The following GRIP1 variants were observed in gnomAD, a reference collection of about 807,000 sequenced individuals.
GRIP1 encodes glutamate receptor interacting protein 1.
Under a neutral mutation model 129.9 loss-of-function variants are expected in GRIP1, and 45 were observed. That is an observed-to-expected ratio of 0.35 (90% CI 0.27 to 0.44). The LOEUF (loss-of-function observed/expected upper bound fraction) is 0.44, where lower values mean the gene tolerates loss of function less well. Ranked by LOEUF, GRIP1 falls within the 20% of genes least tolerant of loss-of-function variation. The pLI is 1.00. For missense variants in GRIP1, 1,196 were observed against 1,396.8 expected, an observed-to-expected ratio of 0.86 and a Z score of 2.29; for synonymous variants, 530 against 520.8, an observed-to-expected ratio of 1.02 and a Z score of -0.24.
chr12:66,541,199 C>T (rs961215128), intron 3 of GRIP1, among the ~76,000 whole-genome samples: 1 of 152,166 alleles, frequency 6.6e-6, no homozygotes, highest in Non-Finnish European at 1.5e-5. Context: ...CACCCCTGCC[C>T]AGTATCCAGG....
At chr12:66,811,225 T>C (rs2039096372) in intron 1 of GRIP1, among the ~76,000 whole-genome samples, 1 of 152,206 alleles carries the variant, frequency 6.6e-6, no homozygotes, top group African/African-American at 2.4e-5. Flanking sequence ...AATATGTTCA[T>C]TCAATAAGTG....
intron 4 of GRIP1, among the ~76,000 whole-genome samples, chr12:66,531,252 AATATATATATATATATATATAT>A (rs71069009): frequency 2.3e-3 from 44 of 19,468 alleles, no homozygotes; most frequent in African/African-American, 6.0e-3. Context: ...AAAAAAAAAA[AATATATATATATATATATATAT>A]ATATATATAT....
At chr12:66,443,256 A>C (rs2058519189) in intron 13 of GRIP1, among the ~76,000 whole-genome samples, 1 of 152,166 alleles carries the variant, frequency 6.6e-6, no homozygotes, top group African/African-American at 2.4e-5. Context: ...AATCCTGCTG[A>C]GTCAGTTTAG....
intron 1 of GRIP1, among the ~76,000 whole-genome samples, chr12:66,699,700 A>G (rs1305989985): frequency 6.6e-6 from 1 of 152,226 alleles, no homozygotes; most frequent in Non-Finnish European, 1.5e-5. Context: ...AATCAGGCAG[A>G]TGGCAAGCAA....
At chr12:66,399,885 C>A (rs865891487) in intron 16 of GRIP1, among the ~76,000 whole-genome samples, 11 of 151,788 alleles carry the variant, frequency 7.2e-5, no homozygotes, top group African/African-American at 2.7e-4. Flanking sequence ...GTCGGACAGG[C>A]CTGAGAAAGT....
At chr12:66,451,383 GTTTTTTTTTT>G (rs1169331519) in intron 11 of GRIP1, among the ~76,000 whole-genome samples, 23 of 42,638 alleles carry the variant, frequency 5.4e-4, no homozygotes, top group African/African-American at 1.1e-3. Context: ...ATTATAATCT[GTTTTTTTTTT>G]TTTTTTTTTT....
chr12:66,725,128 C>A (rs1180126406), intron 1 of GRIP1, among the ~76,000 whole-genome samples: 1 of 151,978 alleles, frequency 6.6e-6, no homozygotes, highest in Non-Finnish European at 1.5e-5. Flanking sequence ...CCCAGCTTTA[C>A]AACAAATTAA....
chr12:66,885,796 C>T (rs184357908), intron 1 of GRIP1, among the ~76,000 whole-genome samples: 13 of 152,094 alleles, frequency 8.5e-5, no homozygotes, highest in Admixed American at 7.9e-4. Flanking sequence ...TATCTTTCTG[C>T]GAAAGAAGAG....
chr12:66,773,568 G>A (rs191692792), intron 1 of GRIP1, among the ~76,000 whole-genome samples: 237 of 152,276 alleles, frequency 1.6e-3, no homozygotes, highest in Non-Finnish European at 2.8e-3. Context: ...GGGGTCGGGG[G>A]CTAGGGGAGT....
At chr12:66,631,130 G>T (rs1268223644) in intron 1 of GRIP1, among the ~76,000 whole-genome samples, 1 of 152,054 alleles carries the variant, frequency 6.6e-6, no homozygotes, top group Non-Finnish European at 1.5e-5. Context: ...TAGAGAAGGG[G>T]TTTCACCATG....
intron 16 of GRIP1, among the ~76,000 whole-genome samples, chr12:66,395,611 C>A (rs1011947896): frequency 6.6e-6 from 1 of 152,212 alleles, no homozygotes; most frequent in Non-Finnish European, 1.5e-5. Context: ...TACTTCACTT[C>A]TGGCCATAGA....
At chr12:66,648,353 A>G (rs2032532779) in intron 1 of GRIP1, among the ~76,000 whole-genome samples, 1 of 152,234 alleles carries the variant, frequency 6.6e-6, no homozygotes, top group African/African-American at 2.4e-5. Context: ...TCTATTCTGC[A>G]TATGTATCAT....
chr12:66,565,618 G>T (rs1447829046), intron 2 of GRIP1, among the ~76,000 whole-genome samples: 1 of 152,090 alleles, frequency 6.6e-6, no homozygotes, highest in East Asian at 1.9e-4. Flanking sequence ...CTCTTTTTTG[G>T]TTCCATATGA....
At chr12:67,069,237 C>T (rs2135918885), upstream of GRIP1, 1 of 372,384 alleles carries the variant, frequency 2.7e-6, no homozygotes, top group Non-Finnish European at 3.7e-6. Flanking sequence ...GCTGGGGCGC[C>T]GAGGCGGCTC....
intron 1 of GRIP1, among the ~76,000 whole-genome samples, chr12:66,798,065 A>G (rs2038751950): frequency 6.6e-6 from 1 of 152,216 alleles, no homozygotes; most frequent in Non-Finnish European, 1.5e-5. Flanking sequence ...GGGAATGAAA[A>G]AGGAGTTTTA....
chr12:66,729,453 T>C (rs1383195628), intron 1 of GRIP1, among the ~76,000 whole-genome samples: 1 of 152,198 alleles, frequency 6.6e-6, no homozygotes, highest in East Asian at 1.9e-4. Flanking sequence ...ACTTAACTCC[T>C]TTTTCAAAAG....
chr12:66,613,615 G>T (rs1217540316), intron 1 of GRIP1, among the ~76,000 whole-genome samples: 1 of 152,072 alleles, frequency 6.6e-6, no homozygotes, highest in Non-Finnish European at 1.5e-5. Flanking sequence ...TGAAAAAAAA[G>T]AACTTTCCGA....
intron 1 of GRIP1, among the ~76,000 whole-genome samples, chr12:66,616,532 G>A (rs11614834): frequency 0.23 from 35,091 of 151,846 alleles, 4,210 homozygotes; most frequent in Non-Finnish European, 0.28. Context: ...GGGGAGACCT[G>A]GTCAAGTGGC....
At chr12:66,706,869 G>C (rs137989996) in intron 1 of GRIP1, among the ~76,000 whole-genome samples, 4,184 of 152,042 alleles carry the variant, frequency 0.028, 76 homozygotes, top group Non-Finnish European at 0.038. Flanking sequence ...CCTATTGGTG[G>C]GTGGTGGCTG....
Sources: gnomAD v4.1 joint callset for allele counts (sites outside exome capture counted in the v4.1 genomes callset) on GRCh38, gnomAD v4.1.1 for gene constraint, MANE v1.5 for transcripts, NCBI Gene and HGNC (gene_info 2026-07-23, HGNC 2026-07-21) for gene names.